PYHIN1: variants seen among roughly 807,000 people sequenced by gnomAD.
PYHIN1 encodes the protein pyrin and HIN domain family member 1.
Under a neutral mutation model 43.7 loss-of-function variants are expected in PYHIN1, and 32 were observed. That is an observed-to-expected ratio of 0.73 (90% CI 0.55 to 0.98). PYHIN1 has a LOEUF of 0.98. Among genes scored for constraint, PYHIN1 ranks in the 50% least tolerant of loss-of-function variants. PYHIN1 has a pLI of 0.00. For synonymous variants in PYHIN1, 205 were observed against 203.1 expected, an observed-to-expected ratio of 1.01 and a Z score of -0.08; for missense variants, 588 against 589.5, an observed-to-expected ratio of 1.00 and a Z score of 0.03.
At chr1:158,979,696 A>G (rs1651422057), downstream of PYHIN1, among the ~76,000 whole-genome samples, 2 of 152,206 alleles carry the variant, frequency 1.3e-5, no homozygotes, top group Admixed American at 1.3e-4. Flanking sequence ...ACCAAGAAGA[A>G]TAAATCTTGG....
At chr1:158,948,624 A>G (rs1649353006) in intron 7 of PYHIN1, among the ~76,000 whole-genome samples, 1 of 152,222 alleles carries the variant, frequency 6.6e-6, no homozygotes, top group Admixed American at 6.5e-5. Flanking sequence ...CATATTATCT[A>G]TAAAAGCAGC....
At chr1:158,979,971 A>T (rs534022292), downstream of PYHIN1, among the ~76,000 whole-genome samples, 1 of 152,254 alleles carries the variant, frequency 6.6e-6, no homozygotes, top group African/African-American at 2.4e-5. Flanking sequence ...ACTTATTAGT[A>T]AGAACAAGTG....
chr1:158,966,415 A>C (rs1462186101), intron 7 of PYHIN1, among the ~76,000 whole-genome samples: 1 of 152,144 alleles, frequency 6.6e-6, no homozygotes, highest in South Asian at 2.1e-4. Flanking sequence ...CAGAGACACA[A>C]CAAAAAAAGA....
At chr1:158,985,421 G>A in the PYHIN1 span, among the ~76,000 whole-genome samples, 1 of 152,206 alleles carries the variant, frequency 6.6e-6, no homozygotes, top group African/African-American at 2.4e-5. Flanking sequence ...AGCTTGGTTC[G>A]GCTGGATATG....
chr1:158,936,493 C>T (rs1178658736), intron 1 of PYHIN1, among the ~76,000 whole-genome samples: 1 of 152,022 alleles, frequency 6.6e-6, no homozygotes, highest in African/African-American at 2.4e-5. Flanking sequence ...AAAAGCTTAT[C>T]CACCATGATC....
At chr1:158,934,029 G>A (rs1648340116) in intron 1 of PYHIN1, among the ~76,000 whole-genome samples, 4 of 151,976 alleles carry the variant, frequency 2.6e-5, no homozygotes, top group Non-Finnish European at 5.9e-5. Context: ...ATATCACTTT[G>A]TTTAGATTGA....
intron 7 of PYHIN1, among the ~76,000 whole-genome samples, chr1:158,962,273 A>T (rs1029101685): frequency 3.3e-5 from 5 of 152,050 alleles, no homozygotes; most frequent in African/African-American, 9.7e-5. Context: ...GGCTTTGGTG[A>T]CTATAGCATC....
At chr1:158,981,106 C>T (rs564274545), downstream of PYHIN1, among the ~76,000 whole-genome samples, 9 of 152,212 alleles carry the variant, frequency 5.9e-5, no homozygotes, top group South Asian at 8.3e-4. Flanking sequence ...TTTATGGCTC[C>T]GTAGTGTACC....
At chr1:158,985,537 G>C in the PYHIN1 span, among the ~76,000 whole-genome samples, 2 of 152,088 alleles carry the variant, frequency 1.3e-5, no homozygotes, top group African/African-American at 4.8e-5. Flanking sequence ...GTGTGATAAG[G>C]GTTCCCTTTG....
intron 7 of PYHIN1, among the ~76,000 whole-genome samples, chr1:158,958,983 G>A (rs1397231823): frequency 6.6e-6 from 1 of 151,470 alleles, no homozygotes; most frequent in Non-Finnish European, 1.5e-5. Flanking sequence ...GATAAGTGTT[G>A]TCCAGTGATG....
At chr1:158,990,245 AAAG>A in the PYHIN1 span, among the ~76,000 whole-genome samples, 6 of 151,604 alleles carry the variant, frequency 4.0e-5, no homozygotes, top group South Asian at 6.2e-4. Flanking sequence ...CATTTAATAG[AAAG>A]AAGAATGATT....
chr1:158,985,252 G>T, the PYHIN1 span, among the ~76,000 whole-genome samples: 1 of 152,092 alleles, frequency 6.6e-6, no homozygotes. Flanking sequence ...TTGTGTCAGT[G>T]GAATATTTAC....
At chr1:158,956,601 T>C (rs1649949244) in intron 7 of PYHIN1, among the ~76,000 whole-genome samples, 1 of 151,830 alleles carries the variant, frequency 6.6e-6, no homozygotes, top group Non-Finnish European at 1.5e-5. Flanking sequence ...ATGGGACGTA[T>C]TTCAAAATAA....
In PYHIN1 at chr1:158,944,944, C is replaced by T. The variant is rs2101664622; in HGVS notation, c.1261C>T (p.His421Tyr). The change falls in exon 7 of 9, where the codon CAT (histidine) becomes TAT (tyrosine). Residue 421 changes from histidine (H) to tyrosine (Y), a missense_variant. Coordinates refer to ENST00000368140, the MANE Select transcript of PYHIN1 (RefSeq NM_152501.5). ...SMALPQEQSQ[H>Y]PKPSEASTTL... ...GGCACTACCCCAGGAACAGAGTCAG[C>T]ATCCAAAACCTTCAGAGGCCAGCAC... 1 of 1,613,758 alleles carries T rather than the reference C, an allele frequency of 6.2e-7. No homozygotes were observed. Among genetic ancestry groups the T allele is most frequent in the Non-Finnish European group, 8.5e-7 (1 of 1,179,794 alleles).
At chr1:158,939,668 C>A in intron 4 of PYHIN1, 1 of 712,372 alleles carries the variant, frequency 1.4e-6, no homozygotes, top group Non-Finnish European at 2.5e-6. Context: ...CCTATCCACC[C>A]TCTGGATCCC....
chr1:158,951,038 A>T (rs1649503675), intron 7 of PYHIN1, among the ~76,000 whole-genome samples: 1 of 152,216 alleles, frequency 6.6e-6, no homozygotes, highest in African/African-American at 2.4e-5. Context: ...GGATGTGTGT[A>T]ACATCTGTTT....
chr1:158,957,364 G>T (rs1481444411), intron 7 of PYHIN1, among the ~76,000 whole-genome samples: 3 of 151,956 alleles, frequency 2.0e-5, no homozygotes, highest in Non-Finnish European at 2.9e-5. Context: ...ATACTACAAG[G>T]CTACAGTAAC....
chr1:158,966,437 G>T (rs1650637738), intron 7 of PYHIN1, among the ~76,000 whole-genome samples: 1 of 151,876 alleles, frequency 6.6e-6, no homozygotes, highest in Non-Finnish European at 1.5e-5. Flanking sequence ...AACTTCAGGT[G>T]GTTATTCTTG....
At position 158,954,365 on chromosome 1, in the gene PYHIN1, C is replaced by T. The variant is rs1453459572; in HGVS notation, c.1359+9323C>T. ...GCAGCCAGAGAGAAAGGTCGGGTTACCCTCAAAGGGAAGCCCATCAGACTA... is the reference window on the plus strand; with the variant it reads ...GCAGCCAGAGAGAAAGGTCGGGTTATCCTCAAAGGGAAGCCCATCAGACTA... On this transcript the variant is annotated intron_variant, in intron 7 of 8. Transcript: ENST00000368140. Among the ~76,000 whole-genome samples the T allele has an allele frequency of 3.8e-4, 16 of 42,528 alleles. 1 individual carries two copies. The highest frequency in any genetic ancestry group is 1.0e-3 in the Admixed American group (3 of 2,922). 27.9% of individuals were successfully genotyped at this position (42,528 alleles called of 152,430 possible). A position where few individuals can be genotyped will look rare whatever the true frequency, so the allele number is the denominator to read the frequency against.
Sources: allele counts gnomAD v4.1 joint callset (sites outside exome capture counted in the v4.1 genomes callset), GRCh38; gene constraint gnomAD v4.1.1; transcripts MANE v1.5; gene names NCBI Gene and HGNC (gene_info 2026-07-23, HGNC 2026-07-21).